Variants in TTC3 observed in about 807,000 individuals in gnomAD.
TTC3 encodes the protein E3 ubiquitin-protein ligase TTC3.
A neutral mutation model predicts 249.6 loss-of-function variants in TTC3; 180 were observed. The ratio of observed to expected loss-of-function variants is 0.72; its 90% CI spans 0.64 to 0.82. The LOEUF (loss-of-function observed/expected upper bound fraction) is 0.82. Ranked by LOEUF, TTC3 falls within the 40% of genes least tolerant of loss-of-function variation. The probability of loss-of-function intolerance (pLI) is 0.00; values close to 1 mark genes in which losing one functional copy is unlikely to be tolerated. For synonymous variants in TTC3, 717 were observed against 805.0 expected (o/e 0.89, Z 1.85); for missense variants, 2,061 against 2,398.4 (o/e 0.86, Z 2.94).
chr21:37,102,033 A>C (rs1465640742), intron 10 of TTC3, among the ~76,000 whole-genome samples: 1 of 117,374 alleles, frequency 8.5e-6, no homozygotes, highest in Non-Finnish European at 2.0e-5. Flanking sequence ...CTATGCAATG[A>C]TTATCTTTTT....
At chr21:37,145,214 G>A in intron 21 of TTC3, among the ~76,000 whole-genome samples, 1 of 152,166 alleles carries the variant, frequency 6.6e-6, no homozygotes, top group East Asian at 1.9e-4. Context: ...TTTACTTGTA[G>A]TGAACTCTCA....
At chr21:37,193,067 C>T (rs1294291124) in intron 41 of TTC3, among the ~76,000 whole-genome samples, 2 of 152,060 alleles carry the variant, frequency 1.3e-5, no homozygotes, top group East Asian at 1.9e-4. Context: ...ATATAAGTTC[C>T]AGAATGTTGT....
intron 10 of TTC3, chr21:37,100,925 G>A (rs905198857): frequency 6.6e-6 from 1 of 152,230 alleles, no homozygotes; most frequent in Non-Finnish European, 1.5e-5. Context: ...TCTGGACAAA[G>A]GAATCAGTCA....
At position 37,191,297 on chromosome 21, in the gene TTC3, A is replaced by C. The variant is rs1241639607; in HGVS notation, c.5025-37A>C. ...TTGACCGTAAGTGCTTTTAATTTTT[A>C]AAATTTCTAAAGCAGTTTTATATTA... On this transcript the variant is annotated intron_variant, in intron 39 of 45. Transcript: ENST00000355666. 4 of 1,460,464 alleles carry C rather than the reference A, an allele frequency of 2.7e-6. No individual in the cohort carries two copies. The African/African-American group carries it at 4.4e-5, about 16-fold the overall frequency. 90.5% of individuals were successfully genotyped at this position (1,460,464 alleles called of 1,614,324 possible).
intron 35 of TTC3, among the ~76,000 whole-genome samples, chr21:37,175,214 A>G (rs1443666849): frequency 7.0e-6 from 1 of 143,428 alleles, no homozygotes; most frequent in Non-Finnish European, 1.5e-5. Flanking sequence ...CACCGAGCCG[A>G]GATCACGCCA....
chr21:37,122,667 A>T (rs1286312729), intron 12 of TTC3, among the ~76,000 whole-genome samples: 1 of 151,924 alleles, frequency 6.6e-6, no homozygotes, highest in Non-Finnish European at 1.5e-5. Context: ...AGATGTTGTT[A>T]TCCATCATAA....
chr21:37,087,105 C>T (rs942470555), intron 1 of TTC3, 142 bp from the exon 2 acceptor site: 23 of 840,432 alleles, frequency 2.7e-5, no homozygotes, highest in South Asian at 1.1e-4. Flanking sequence ...GAGAATCTTT[C>T]GGAGCTCAGT....
At chr21:37,165,497 C>A in intron 32 of TTC3, 53 bp from the exon 33 acceptor site, 1 of 1,365,056 alleles carries the variant, frequency 7.3e-7, no homozygotes, top group Admixed American at 2.2e-5. Context: ...TTCAAATAGA[C>A]ATATTCAAGT....
intron 14 of TTC3, 23 bp downstream of exon 14, chr21:37,124,765 GT>G (rs3831441): frequency 3.7e-6 from 6 of 1,602,326 alleles, no homozygotes; most frequent in African/African-American, 1.3e-5. Context: ...GAAAACTACA[GT>G]TTTTTTCAAG....
chr21:37,107,153 C>CT (rs199553047), intron 10 of TTC3, among the ~76,000 whole-genome samples: 1,684 of 150,430 alleles, frequency 0.011, 13 homozygotes, highest in East Asian at 0.03. Context: ...TTTGTTCTTC[C>CT]TTGTAATCTC....
At chr21:37,141,651 C>G (rs1354845870) in intron 20 of TTC3, among the ~76,000 whole-genome samples, 3 of 152,026 alleles carry the variant, frequency 2.0e-5, no homozygotes, top group Non-Finnish European at 2.9e-5. Context: ...GCCTGTAGTT[C>G]CAGCTACTCA....
intron 39 of TTC3, 110 bp from the exon 40 acceptor site, chr21:37,191,224 G>T: frequency 1.4e-6 from 1 of 696,912 alleles, no homozygotes; most frequent in South Asian, 2.2e-5. Context: ...ATTTTTGTGT[G>T]TATGTGATTA....
chr21:37,201,303 C>A, intron 45 of TTC3, 137 bp from the exon 46 acceptor site: 1 of 1,065,788 alleles, frequency 9.4e-7, no homozygotes, highest in Admixed American at 1.9e-5. Context: ...TGTTGGTGTC[C>A]CTGAGTATTG....
At chr21:37,200,174 C>T (rs1367401706) in intron 44 of TTC3, 58 bp from the exon 45 acceptor site, 5 of 1,520,984 alleles carry the variant, frequency 3.3e-6, no homozygotes, top group South Asian at 2.4e-5. Flanking sequence ...AGGAAGAACT[C>T]GTGTCATAAA....
intron 17 of TTC3, among the ~76,000 whole-genome samples, chr21:37,134,929 A>G (rs1057329209): frequency 8.5e-5 from 13 of 152,212 alleles, no homozygotes; most frequent in African/African-American, 3.1e-4. Context: ...GCTTAGAATT[A>G]AGGTTTGTTT....
chr21:37,107,124 G>A (rs557214060), intron 10 of TTC3, among the ~76,000 whole-genome samples: 1 of 150,126 alleles, frequency 6.7e-6, no homozygotes, highest in Admixed American at 6.6e-5. Context: ...TTGATATCTG[G>A]TAGTATAAGT....
exon 28 of TTC3, chr21:37,156,807 T>A: frequency 6.2e-7 from 1 of 1,614,098 alleles, no homozygotes. Flanking sequence ...TGAGCCAGCA[T>A]CATTGAAGGA....
chr21:37,197,697 G>C lies in TTC3; in HGVS notation c.5706+1G>C. ...TCTAGATGAACAGAAAAAGAAAAAG[G>C]TATTTTATCTAGATGTTCCAGTTTA... On this transcript the variant is annotated splice_donor_variant, in intron 43 of 45. Coordinates refer to ENST00000355666, the Ensembl canonical transcript of TTC3. LOFTEE classifies it high-confidence loss of function. 3 of 1,601,918 alleles carry C rather than the reference G, an allele frequency of 1.9e-6. No homozygotes were observed. Among genetic ancestry groups the C allele is most frequent in the Non-Finnish European group, 2.6e-6 (3 of 1,175,596 alleles).
intron 10 of TTC3, among the ~76,000 whole-genome samples, chr21:37,103,721 C>A (rs1037029384): frequency 6.6e-6 from 1 of 152,118 alleles, no homozygotes; most frequent in Non-Finnish European, 1.5e-5. Context: ...GCAAAAACAG[C>A]CTCTGTGTTT....
Sources: allele counts gnomAD v4.1 joint callset (sites outside exome capture counted in the v4.1 genomes callset), GRCh38; gene constraint gnomAD v4.1.1; transcripts MANE v1.5; gene names NCBI Gene and HGNC (gene_info 2026-07-23, HGNC 2026-07-21).